Variants in SPOCK1 observed in about 807,000 individuals in gnomAD.
The protein encoded by SPOCK1 is testican-1.
Under a neutral mutation model 55.3 loss-of-function variants are expected in SPOCK1, and 23 were observed. The observed-to-expected ratio is 0.42, with a 90% CI of 0.30 to 0.59. SPOCK1 has a LOEUF of 0.59. Ranked by LOEUF, SPOCK1 falls within the 20% of genes least tolerant of loss-of-function variation. The pLI, the probability that SPOCK1 is intolerant of heterozygous loss-of-function variation, is 0.22. For synonymous variants in SPOCK1, 226 were observed against 221.0 expected, an observed-to-expected ratio of 1.02 and a Z score of -0.20; for missense variants, 499 against 552.5, an observed-to-expected ratio of 0.90 and a Z score of 0.97.
At chr5:137,229,671 T>A (rs1756011864) in intron 3 of SPOCK1, among the ~76,000 whole-genome samples, 1 of 152,120 alleles carries the variant, frequency 6.6e-6, no homozygotes. Context: ...CCCAGCCTTT[T>A]TGGCACCAGG....
intron 2 of SPOCK1, among the ~76,000 whole-genome samples, chr5:137,318,701 T>G (rs1274135987): frequency 6.6e-6 from 1 of 152,232 alleles, no homozygotes; most frequent in African/African-American, 2.4e-5. Flanking sequence ...TGCCTATTGT[T>G]TAATTTTCCC....
chr5:137,160,443 GTA>G (rs1188856816), intron 3 of SPOCK1, among the ~76,000 whole-genome samples: 1 of 116,726 alleles, frequency 8.6e-6, no homozygotes, highest in Non-Finnish European at 1.7e-5. Context: ...ATTATATGTT[GTA>G]TATATATATG....
At chr5:137,081,120 C>T (rs1752872019) in intron 5 of SPOCK1, among the ~76,000 whole-genome samples, 1 of 152,204 alleles carries the variant, frequency 6.6e-6, no homozygotes, top group Admixed American at 6.5e-5. Context: ...GAGGGGCATT[C>T]CAGGCCTGGG....
intron 2 of SPOCK1, among the ~76,000 whole-genome samples, chr5:137,367,385 G>GAAGTTCAGGT (rs1285043610): frequency 6.6e-6 from 1 of 152,208 alleles, no homozygotes; most frequent in Non-Finnish European, 1.5e-5. Context: ...GGAAGAATAT[G>GAAGTTCAGGT]AAGTTCAGGT....
At chr5:136,980,183 A>C (rs1395025766) in intron 9 of SPOCK1, among the ~76,000 whole-genome samples, 1 of 15,550 alleles carries the variant, frequency 6.4e-5, no homozygotes, top group Admixed American at 7.3e-4. Context: ...TTTGCAGGCA[A>C]AAAAAAAAAA....
At position 137,044,232 on chromosome 5, in the gene SPOCK1, A is replaced by G. The variant is rs1233946682; in HGVS notation, c.589+23483T>C. ...GACGCATCAGGAGTTCACCAGACCA[A>G]TCTTAGAAGGATGGTGTGTGCAAAG... On this transcript the variant is annotated intron_variant, in intron 6 of 10. Coordinates refer to ENST00000394945, the MANE Select transcript of SPOCK1 (RefSeq NM_004598.4). Among the ~76,000 whole-genome samples the G allele has an allele frequency of 3.3e-5, 5 of 152,202 alleles. No individual in the cohort carries two copies. In the East Asian group the frequency reaches 9.6e-4, roughly 29 times the overall value.
At chr5:137,498,941 G>C (rs1435408699) in intron 1 of SPOCK1, among the ~76,000 whole-genome samples, 1 of 152,058 alleles carries the variant, frequency 6.6e-6, no homozygotes, top group Non-Finnish European at 1.5e-5. Flanking sequence ...TGGGGCAGGA[G>C]AGGGGAGAAC....
Position 137,013,151 on chromosome 5 carries a change from A to G in SPOCK1, c.590-20551T>C, listed in dbSNP as rs950716503. 2.6e-5 allele frequency among the ~76,000 whole-genome samples: 4 copies of G among 152,280 alleles called. 1 individual carries two copies. The highest frequency in any genetic ancestry group is 6.8e-3 in the Middle Eastern group (2 of 294). On this transcript the variant is annotated intron_variant, in intron 6 of 10. Coordinates refer to ENST00000394945, the MANE Select transcript of SPOCK1 (RefSeq NM_004598.4). ...AGAAGAGCATGGTTCTTTTTCTCCT[A>G]TTGCCTATAGATGTTTTCTAATTTT...
Position 137,371,547 on chromosome 5 carries a change from T to A in SPOCK1, c.187-104492A>T, listed in dbSNP as rs115222214. ...TCCCTTTAGGTAACAGGATTTACCA[T>A]GAACTGCATACACAGCCTTCCATTA... On this transcript the variant is annotated intron_variant, in intron 2 of 10. Coordinates refer to ENST00000394945, the MANE Select transcript of SPOCK1 (RefSeq NM_004598.4). Among the ~76,000 whole-genome samples the A allele has an allele frequency of 4.5e-3, 681 of 152,310 alleles. 10 individuals carry two copies. Among genetic ancestry groups the A allele is most frequent in the African/African-American group, 0.016 (662 of 41,566 alleles).
chr5:137,270,647 C>T (rs1425048918), intron 2 of SPOCK1, among the ~76,000 whole-genome samples: 1 of 152,202 alleles, frequency 6.6e-6, no homozygotes, highest in South Asian at 2.1e-4. Flanking sequence ...GAGGCCCAAA[C>T]TTAAGCATAC....
At chr5:137,128,951 C>T (rs1753826034) in intron 4 of SPOCK1, among the ~76,000 whole-genome samples, 2 of 152,196 alleles carry the variant, frequency 1.3e-5, no homozygotes, top group Non-Finnish European at 2.9e-5. Flanking sequence ...ATTTCTAATG[C>T]ACACAGAACC....
chr5:137,126,248 C>A (rs1254444840), intron 4 of SPOCK1, among the ~76,000 whole-genome samples: 3 of 152,226 alleles, frequency 2.0e-5, no homozygotes, highest in African/African-American at 7.2e-5. Context: ...TGATGCTGCT[C>A]CTCTTTGCCT....
chr5:136,998,833 A>G (rs931838297), intron 6 of SPOCK1, among the ~76,000 whole-genome samples: 1 of 152,238 alleles, frequency 6.6e-6, no homozygotes, highest in Non-Finnish European at 1.5e-5. Flanking sequence ...ATTACTCCAA[A>G]ATGTGGAAAA....
Position 137,413,911 on chromosome 5 carries a change from C to T in SPOCK1, c.186+84462G>A, listed in dbSNP as rs536784145. On this transcript the variant is annotated intron_variant, in intron 2 of 10. Transcript: ENST00000394945. ...ACAAGAATCTGAATTTCCTCAGCCC[C>T]ACACGCACTTTTTTAAAACAGAAAT... is the stretch of plus-strand genomic sequence containing the variant. 7.9e-5 allele frequency among the ~76,000 whole-genome samples: 12 copies of T among 152,226 alleles called. No homozygotes were observed. The South Asian group carries it at 2.3e-3, about 29-fold the overall frequency.
intron 3 of SPOCK1, among the ~76,000 whole-genome samples, chr5:137,190,275 A>G (rs1350906779): frequency 6.6e-6 from 1 of 152,164 alleles, no homozygotes; most frequent in Non-Finnish European, 1.5e-5. Context: ...TCTTTTGTGA[A>G]AGAGTCAATC....
At chr5:137,221,452 C>A (rs569253684) in intron 3 of SPOCK1, among the ~76,000 whole-genome samples, 4 of 152,238 alleles carry the variant, frequency 2.6e-5, no homozygotes, top group Non-Finnish European at 5.9e-5. Context: ...CCCAACAAAG[C>A]AAATAAAAAA....
In SPOCK1 at chr5:136,976,895, G is replaced by C. The variant is rs1397693107; in HGVS notation, c.*1759C>G. 3 of 152,236 alleles carry C rather than the reference G, an allele frequency of 2.0e-5. No individual in the cohort carries two copies. The highest frequency in any genetic ancestry group is 7.2e-5 in the African/African-American group (3 of 41,454). The allele number at this position is 152,236 out of a possible 1,614,324, so 9.4% of individuals were successfully genotyped here. On this transcript the variant is annotated 3_prime_UTR_variant, in exon 11 of 11. Transcript: ENST00000394945. The stretch of plus-strand genomic sequence containing the variant: ...GGATTGGAACATGCTAATTTAAGGT[G>C]AGTTGGTACATCTAAATGGTCAATT...
At chr5:137,331,359 G>A (rs1758177158) in intron 2 of SPOCK1, among the ~76,000 whole-genome samples, 1 of 152,154 alleles carries the variant, frequency 6.6e-6, no homozygotes, top group East Asian at 1.9e-4. Context: ...TGGCCAAGAA[G>A]ACCTAACTCA....
At chr5:137,406,893 C>T (rs778052807) in intron 2 of SPOCK1, among the ~76,000 whole-genome samples, 16 of 152,170 alleles carry the variant, frequency 1.1e-4, no homozygotes, top group Admixed American at 3.9e-4. Context: ...CTTCAATAGA[C>T]TAATATGAAT....
Sources: allele counts gnomAD v4.1 joint callset (sites outside exome capture counted in the v4.1 genomes callset), GRCh38; gene constraint gnomAD v4.1.1; transcripts MANE v1.5; gene names NCBI Gene and HGNC (gene_info 2026-07-23, HGNC 2026-07-21).